FAAH2: variants seen among roughly 807,000 people sequenced by gnomAD.
FAAH2 encodes the protein fatty acid amide hydrolase 2.
Under a neutral mutation model 36.9 loss-of-function variants are expected in FAAH2, and 60 were observed. That is an observed-to-expected ratio of 1.63 (90% CI 1.32 to 2.02). FAAH2 has a LOEUF of 2.02. Among genes scored for constraint, FAAH2 ranks in the 30% most tolerant of loss-of-function variants. The pLI, the probability that FAAH2 is intolerant of heterozygous loss-of-function variation, is 0.00. For missense variants in FAAH2, 689 were observed against 397.5 expected (o/e 1.73, Z -6.23); for synonymous variants, 214 against 143.8 (o/e 1.49, Z -3.49).
In FAAH2 at chrX:57,380,924, C is replaced by T; in HGVS notation, c.891C>T (p.Asp297=). ...AGPGIKRLKL[D]TKVHLKDLKF... Reference sequence around the variant, plus strand: ...TAATCCTACACAGGTTAAAACTAGACACAAAGGTACATTTAAAAGACTTAA... The same window carrying T: ...TAATCCTACACAGGTTAAAACTAGATACAAAGGTACATTTAAAAGACTTAA... The change falls in exon 7 of 11, where the codon GAC becomes GAT. Residue 297 remains aspartate, a synonymous_variant. Transcript: ENST00000374900. The T allele has an allele frequency of 8.5e-7, 1 of 1,177,663 alleles. No individual in the cohort carries two copies. The highest frequency in any genetic ancestry group is 1.1e-6 in the Non-Finnish European group (1 of 873,455).
At chrX:57,204,088 A>G in the FAAH2 span, among the ~76,000 whole-genome samples, 1 of 111,157 alleles carries the variant, frequency 9.0e-6, no homozygotes, top group Non-Finnish European at 1.9e-5. Flanking sequence ...AATTCAAGCT[A>G]AACATCTCCT....
At chrX:57,433,958 C>G (rs920291793) in intron 8 of FAAH2, among the ~76,000 whole-genome samples, 4 of 111,488 alleles carry the variant, frequency 3.6e-5, no homozygotes, top group Non-Finnish European at 7.5e-5. Context: ...AAGAAATGTA[C>G]TATAACACTC....
chrX:57,394,134 A>C (rs995192094), intron 7 of FAAH2: 2 of 695,906 alleles, frequency 2.9e-6, no homozygotes, highest in Non-Finnish European at 4.7e-6. Flanking sequence ...TGAAGATTAA[A>C]CTCTTCCATA....
chrX:57,179,916 C>G, the FAAH2 span, among the ~76,000 whole-genome samples: 1 of 111,988 alleles, frequency 8.9e-6, no homozygotes, highest in Non-Finnish European at 1.9e-5. Flanking sequence ...AATAACAACA[C>G]CCTCAGATAA....
chrX:57,448,681 T>C lies in FAAH2; in HGVS notation c.1386T>C (p.His462=). 7.4e-6 allele frequency: 9 copies of C among 1,211,520 alleles called. No individual in the cohort carries two copies. The highest frequency in any genetic ancestry group is 1.0e-5 in the Non-Finnish European group (9 of 895,307). Residue 462 remains histidine (H), a synonymous_variant, in exon 10 of 11, where the codon CAT becomes CAC. Coordinates refer to ENST00000374900, the MANE Select transcript of FAAH2 (RefSeq NM_174912.4). ...PSHPTVAPKH[H]VPLTRPFNFA... is the part of the protein sequence containing the mutation. ...ATCCCACAGTGGCACCTAAGCATCA[T>C]GTCCCTCTAACACGGCCTTTCAACT...
chrX:57,214,712 A>C, the FAAH2 span, among the ~76,000 whole-genome samples: 1 of 111,705 alleles, frequency 9.0e-6, no homozygotes, highest in African/African-American at 3.3e-5. Context: ...TGAAGCATTA[A>C]TCTCCAAACT....
upstream of FAAH2, among the ~76,000 whole-genome samples, chrX:57,284,396 AAACAAC>A (rs201402751): frequency 5.7e-4 from 61 of 107,129 alleles, no homozygotes; most frequent in South Asian, 7.7e-3. Context: ...TAACAAAACA[AAACAAC>A]AACAACAACA....
intron 7 of FAAH2, among the ~76,000 whole-genome samples, chrX:57,425,171 G>A (rs746965801): frequency 2.7e-5 from 3 of 111,046 alleles, no homozygotes; most frequent in Non-Finnish European, 3.8e-5. Context: ...AATCCACTCT[G>A]ACAAAAAAAG....
upstream of FAAH2, among the ~76,000 whole-genome samples, chrX:57,284,396 AAAC>A (rs201402751): frequency 0.43 from 46,063 of 107,024 alleles, 10,677 homozygotes; most frequent in African/African-American, 0.85. Context: ...TAACAAAACA[AAAC>A]AACAACAACA....
chrX:57,465,170 C>A (rs1413649769), intron 10 of FAAH2, among the ~76,000 whole-genome samples: 1 of 111,406 alleles, frequency 9.0e-6, no homozygotes, highest in East Asian at 2.8e-4. Context: ...AATCAGCAGG[C>A]TTAATGATAG....
chrX:57,166,188 T>C, the FAAH2 span, among the ~76,000 whole-genome samples: 1 of 109,263 alleles, frequency 9.2e-6, no homozygotes, highest in South Asian at 4.2e-4. Flanking sequence ...TCCCACTCCA[T>C]CCCCCCTCTG....
the FAAH2 span, among the ~76,000 whole-genome samples, chrX:57,273,684 G>A: frequency 9.0e-6 from 1 of 111,554 alleles, no homozygotes; most frequent in African/African-American, 3.3e-5. Context: ...TGAAATAAAG[G>A]TAGGAATAAA....
intron 9 of FAAH2, 83 bp downstream of exon 9, chrX:57,447,122 C>T: frequency 2.2e-5 from 16 of 712,841 alleles, no homozygotes; most frequent in South Asian, 7.3e-5. Flanking sequence ...GGACTAAAGG[C>T]CCCATGCAAG....
chrX:57,220,748 G>T, the FAAH2 span, among the ~76,000 whole-genome samples: 9 of 112,034 alleles, frequency 8.0e-5, no homozygotes, highest in Non-Finnish European at 1.3e-4. Context: ...CACTGGTCCA[G>T]ACAATGCCCA....
intron 7 of FAAH2, among the ~76,000 whole-genome samples, chrX:57,405,415 G>T (rs748984318): frequency 9.0e-6 from 1 of 110,987 alleles, no homozygotes; most frequent in African/African-American, 3.3e-5. Flanking sequence ...AGCTTGATAA[G>T]GACGAACCCA....
At chrX:57,414,850 CT>C (rs760473454) in intron 7 of FAAH2, among the ~76,000 whole-genome samples, 928 of 57,829 alleles carry the variant, frequency 0.016, 4 homozygotes, top group East Asian at 0.044. Flanking sequence ...TTGTCCTGGG[CT>C]TTTTTTTTTT....
At chrX:57,339,395 A>G (rs1483987323) in intron 4 of FAAH2, among the ~76,000 whole-genome samples, 1 of 112,291 alleles carries the variant, frequency 8.9e-6, no homozygotes, top group Non-Finnish European at 1.9e-5. Context: ...ATTTGCAACA[A>G]AAGCAAAAAT....
chrX:57,147,989 A>G, the FAAH2 span, among the ~76,000 whole-genome samples: 1 of 111,571 alleles, frequency 9.0e-6, no homozygotes, highest in East Asian at 2.8e-4. Flanking sequence ...ATAGCCTATT[A>G]CATAGAATTT....
At position 57,378,660 on chromosome X, in the gene FAAH2, C is replaced by A. The variant is rs1157271850; in HGVS notation, c.752C>A (p.Pro251His). Reference protein sequence around the residue: ...FGHKPSPGVVPNKGQFPLAVG... With the variant: ...FGHKPSPGVVHNKGQFPLAVG... Reference sequence around the variant, plus strand: ...CTGTCTATCCTTTCAGGTGTGGTTCCCAACAAAGGTCAGTTTCCCTTGGCT... The same window carrying A: ...CTGTCTATCCTTTCAGGTGTGGTTCACAACAAAGGTCAGTTTCCCTTGGCT... The change falls in exon 6 of 11, where the codon CCC (proline) becomes CAC (histidine). Residue 251 changes from proline (P) to histidine (H), a missense_variant. Pro to His is a moderately conservative substitution (Grantham distance 77). Transcript: ENST00000374900. 8.3e-7 allele frequency: 1 copy of A among 1,209,068 alleles called. No individual in the cohort carries two copies. The highest frequency in any genetic ancestry group is 1.1e-6 in the Non-Finnish European group (1 of 894,841).
Sources: allele counts gnomAD v4.1 joint callset (sites outside exome capture counted in the v4.1 genomes callset), GRCh38; gene constraint gnomAD v4.1.1; transcripts MANE v1.5; gene names NCBI Gene and HGNC (gene_info 2026-07-23, HGNC 2026-07-21).